Variants in SLIT2 observed in about 807,000 individuals in gnomAD.
SLIT2 encodes slit guidance ligand 2.
In SLIT2, 41 loss-of-function variants were observed where a neutral mutation model predicts 185.7. The observed-to-expected ratio is 0.22, with a 90% confidence interval of 0.17 to 0.29. SLIT2 has a LOEUF of 0.29. Ranked by LOEUF, SLIT2 falls within the 10% of genes least tolerant of loss-of-function variation. SLIT2 has a pLI of 1.00. For synonymous variants in SLIT2, 693 were observed against 680.2 expected, an observed-to-expected ratio of 1.02 and a Z score of -0.29; for missense variants, 1,571 against 1,909.0, an observed-to-expected ratio of 0.82 and a Z score of 3.30.
intron 4 of SLIT2, among the ~76,000 whole-genome samples, chr4:20,344,552 C>T (rs1721228117): frequency 6.6e-6 from 1 of 152,186 alleles, no homozygotes; most frequent in Admixed American, 6.5e-5. Flanking sequence ...TTGTGACTGA[C>T]TGAGGCAGGG....
chr4:20,548,617 C>G (rs1226667227), intron 23 of SLIT2, 58 bp downstream of exon 23: 2 of 992,532 alleles, frequency 2.0e-6, no homozygotes, highest in Admixed American at 1.8e-5. Context: ...AAGGCAGTCT[C>G]TAGATGCTGG....
At chr4:20,418,960 G>A (rs1727932343) in intron 4 of SLIT2, among the ~76,000 whole-genome samples, 1 of 152,092 alleles carries the variant, frequency 6.6e-6, no homozygotes, top group African/African-American at 2.4e-5. Flanking sequence ...ATTTTTTAGT[G>A]AACAGGAAGG....
At chr4:20,311,232 G>A (rs748510531) in intron 4 of SLIT2, among the ~76,000 whole-genome samples, 4 of 152,188 alleles carry the variant, frequency 2.6e-5, no homozygotes, top group East Asian at 1.9e-4. Flanking sequence ...TTTAAAAAAC[G>A]TATGTGTGGG....
intron 22 of SLIT2, among the ~76,000 whole-genome samples, chr4:20,546,495 A>G (rs891290635): frequency 6.6e-6 from 1 of 152,142 alleles, no homozygotes; most frequent in Non-Finnish European, 1.5e-5. Flanking sequence ...GACTTTCCCA[A>G]AAATGTAAAT....
At position 20,595,547 on chromosome 4, in the gene SLIT2, C is replaced by T. The variant is rs79994812; in HGVS notation, c.3183-150C>T. 3.7e-3 allele frequency: 3,293 copies of T among 901,590 alleles called. 33 individuals carry two copies. The highest frequency in any genetic ancestry group is 0.018 in the African/African-American group (1,085 of 59,984). The allele number at this position is 901,590 out of a possible 1,614,324, so 55.8% of individuals were successfully genotyped here. On this transcript the variant is annotated intron_variant, in intron 30 of 36. Coordinates refer to ENST00000504154, the MANE Select transcript of SLIT2 (RefSeq NM_004787.4). ...ACATGGAACATACTGCAGAACAGTT[C>T]GATTTTCTAGGTATCCATTAATGTG... is the stretch of plus-strand genomic sequence containing the variant.
At chr4:20,426,763 A>G (rs1026743874) in intron 4 of SLIT2, among the ~76,000 whole-genome samples, 1 of 152,186 alleles carries the variant, frequency 6.6e-6, no homozygotes, top group Non-Finnish European at 1.5e-5. Flanking sequence ...GTTATTTGAT[A>G]ATGATGATAA....
Position 20,618,933 on chromosome 4 carries a change from A to C in SLIT2, c.4514A>C (p.Glu1505Ala). The C allele has an allele frequency of 6.2e-7, 1 of 1,614,072 alleles. No homozygotes were observed. The highest frequency in any genetic ancestry group is 8.5e-7 in the Non-Finnish European group (1 of 1,180,000). The change falls in exon 37 of 37, where the codon GAA (glutamate) becomes GCA (alanine). Residue 1505 changes from glutamate to alanine, a missense_variant. Physicochemically the swap from Glu to Ala is moderately radical, Grantham distance 107 (BLOSUM62 -1). This residue lies in a region of SLIT2 where 223 missense variants were observed against 245.2 expected (regional missense o/e 0.91). Coordinates refer to ENST00000504154, the MANE Select transcript of SLIT2 (RefSeq NM_004787.4). ...AGCAAGCGGCGGAAATACTCTTTCGAATGCACTGACGGCTCCTCCTTTGTG... is the reference window on the plus strand; with the variant it reads ...AGCAAGCGGCGGAAATACTCTTTCGCATGCACTGACGGCTCCTCCTTTGTG... ...LRSKRRKYSF[E>A]CTDGSSFVDE...
At chr4:20,326,257 C>T (rs1399123311) in intron 4 of SLIT2, among the ~76,000 whole-genome samples, 1 of 151,928 alleles carries the variant, frequency 6.6e-6, no homozygotes, top group African/African-American at 2.4e-5. Context: ...TGTCATATAC[C>T]TTTTCTCAGA....
At chr4:20,519,333 T>A (rs757843320) in intron 11 of SLIT2, 49 bp from the exon 12 acceptor site, 11 of 897,304 alleles carry the variant, frequency 1.2e-5, no homozygotes, top group Non-Finnish European at 1.9e-5. Flanking sequence ...GATGAATTTG[T>A]TATGCAGGTT....
chr4:20,503,414 C>T (rs1388967420), intron 9 of SLIT2, among the ~76,000 whole-genome samples: 1 of 152,056 alleles, frequency 6.6e-6, no homozygotes, highest in Non-Finnish European at 1.5e-5. Flanking sequence ...TAGTAAGTGT[C>T]TAAAATTTTT....
chr4:20,616,051 G>A (rs1323535513), intron 34 of SLIT2: 1 of 152,182 alleles, frequency 6.6e-6, no homozygotes, highest in Non-Finnish European at 1.5e-5. Flanking sequence ...CTAGTGGAAT[G>A]TATATATACA....
Position 20,462,399 on chromosome 4 carries a change from C to T in SLIT2, c.396-5353C>T, listed in dbSNP as rs774444455. Among the ~76,000 whole-genome samples, 9 of 152,198 alleles carry T rather than the reference C, an allele frequency of 5.9e-5. No homozygotes were observed. The East Asian group carries it at 1.3e-3, about 23-fold the overall frequency. ...TTTCTTGTCTTCAATCCTAACTCTC[C>T]AAAATCCTGTGCATTGTTAGCATGC... On this transcript the variant is annotated intron_variant, in intron 4 of 36. Coordinates refer to ENST00000504154, the MANE Select transcript of SLIT2 (RefSeq NM_004787.4).
chr4:20,532,840 T>A (rs1218878633), intron 17 of SLIT2, among the ~76,000 whole-genome samples: 1 of 152,218 alleles, frequency 6.6e-6, no homozygotes, highest in African/African-American at 2.4e-5. Context: ...ACTTTCTTTT[T>A]AGCCATAAGA....
intron 33 of SLIT2, among the ~76,000 whole-genome samples, chr4:20,609,799 CTTATT>C (rs1481490157): frequency 1.3e-5 from 2 of 152,066 alleles, no homozygotes; most frequent in Admixed American, 1.3e-4. Context: ...AAAGAACAAA[CTTATT>C]TTGTATTCAG....
chr4:20,351,299 T>C (rs2109263523), intron 4 of SLIT2, among the ~76,000 whole-genome samples: 1 of 152,258 alleles, frequency 6.6e-6, no homozygotes, highest in African/African-American at 2.4e-5. Context: ...TCCACCCGCC[T>C]CGGCCTGCCA....
At chr4:20,485,518 A>G (rs1320518330) in intron 6 of SLIT2, among the ~76,000 whole-genome samples, 1 of 152,170 alleles carries the variant, frequency 6.6e-6, no homozygotes, top group African/African-American at 2.4e-5. Context: ...TGCTACCTCA[A>G]GAAAGCATGA....
At chr4:20,393,624 G>A (rs921206816) in intron 4 of SLIT2, 8 of 152,046 alleles carry the variant, frequency 5.3e-5, no homozygotes, top group African/African-American at 1.9e-4. Flanking sequence ...TTACGTGCAT[G>A]TGTACCTTGG....
At chr4:20,442,551 G>A (rs1379020332) in intron 4 of SLIT2, among the ~76,000 whole-genome samples, 5 of 146,798 alleles carry the variant, frequency 3.4e-5, no homozygotes, top group African/African-American at 5.1e-5. Flanking sequence ...AAAGGGGGGG[G>A]AGGGACCGAT....
At chr4:20,579,064 G>A (rs1055694348) in intron 29 of SLIT2, among the ~76,000 whole-genome samples, 9 of 152,164 alleles carry the variant, frequency 5.9e-5, no homozygotes, top group Admixed American at 1.3e-4. Context: ...GGGAGGCCGA[G>A]GCAGGTGGAT....
Sources: gnomAD v4.1 joint callset for allele counts (sites outside exome capture counted in the v4.1 genomes callset) on GRCh38, gnomAD v4.1.1 for gene constraint, gnomAD v4.1.1 regional missense constraint, MANE v1.5 for transcripts, NCBI Gene and HGNC (gene_info 2026-07-23, HGNC 2026-07-21) for gene names.